Variants in NIBAN1 observed in about 807,000 individuals in gnomAD.
The protein encoded by NIBAN1 is protein Niban 1.
NIBAN1 carries 81 observed loss-of-function variants against 75.1 expected under a neutral mutation model. That is an observed-to-expected ratio of 1.08 (90% CI 0.90 to 1.30). The LOEUF (loss-of-function observed/expected upper bound fraction) is 1.30. NIBAN1 is among the 50% of genes most tolerant of loss of function. The pLI is 0.00. For missense variants in NIBAN1, 1,133 were observed against 1,128.1 expected, an observed-to-expected ratio of 1.00 and a Z score of -0.06; for synonymous variants, 436 against 424.8, an observed-to-expected ratio of 1.03 and a Z score of -0.32.
In NIBAN1 at chr1:184,798,162, A is replaced by G; in HGVS notation, c.1583T>C (p.Phe528Ser). 6.2e-7 allele frequency: 1 copy of G among 1,607,656 alleles called. No individual in the cohort carries two copies. The highest frequency in any genetic ancestry group is 8.5e-7 in the Non-Finnish European group (1 of 1,175,022). Residue 528 changes from phenylalanine to serine, a missense_variant, in exon 13 of 14, where the codon TTT becomes TCT. Physicochemically the swap from Phe to Ser is radical, Grantham distance 155 (BLOSUM62 -2). Transcript: ENST00000367511. ...PELQKYEQFIFADHTNMIHVE... is the reference protein window; with the variant it reads ...PELQKYEQFISADHTNMIHVE... Reference sequence around the variant, plus strand: ...GTGAATCATATTGGTATGATCTGCAAAGATGAACTGCTCGTATTTCTGAAG... The same window carrying G: ...GTGAATCATATTGGTATGATCTGCAGAGATGAACTGCTCGTATTTCTGAAG...
At chr1:184,805,084 G>A (rs971119622) in intron 11 of NIBAN1, among the ~76,000 whole-genome samples, 3 of 152,162 alleles carry the variant, frequency 2.0e-5, no homozygotes, top group Non-Finnish European at 4.4e-5. Flanking sequence ...CACTGTGCCC[G>A]GCCCCAATAT....
In NIBAN1 at chr1:184,956,084, T is replaced by C. The variant is rs562914696; in HGVS notation, c.55+18218A>G. 3.3e-5 allele frequency among the ~76,000 whole-genome samples: 5 copies of C among 152,124 alleles called. No individual in the cohort carries two copies. The South Asian group carries it at 1.0e-3, about 32-fold the overall frequency. ...CACTCTTGCCTAGGCCGGAATGCAG[T>C]TGTGCAATCACAGCTCACTGCAGCA... On this transcript the variant is annotated intron_variant, in intron 1 of 13. Coordinates refer to ENST00000367511, the MANE Select transcript of NIBAN1 (RefSeq NM_052966.4).
In NIBAN1 at chr1:184,946,244, T is replaced by C. The variant is rs185163751; in HGVS notation, c.55+28058A>G. On this transcript the variant is annotated intron_variant, in intron 1 of 13. Coordinates refer to ENST00000367511, the MANE Select transcript of NIBAN1 (RefSeq NM_052966.4). ...GCTCCCCTATTACTTTCGCAATTACTTCTCTTCCAAGAATAGTGATTTTCA... is the reference window on the plus strand; with the variant it reads ...GCTCCCCTATTACTTTCGCAATTACCTCTCTTCCAAGAATAGTGATTTTCA... Among the ~76,000 whole-genome samples, 605 of 152,338 alleles carry C rather than the reference T, an allele frequency of 4.0e-3. 2 individuals carry two copies. Among genetic ancestry groups the C allele is most frequent in the African/African-American group, 0.014 (581 of 41,576 alleles).
At chr1:184,833,467 G>A (rs1655051421) in intron 5 of NIBAN1, among the ~76,000 whole-genome samples, 3 of 152,046 alleles carry the variant, frequency 2.0e-5, no homozygotes, top group Admixed American at 2.0e-4. Flanking sequence ...CAACACTTTG[G>A]GAGGCCAAGG....
At chr1:184,834,916 T>C (rs958982596) in intron 5 of NIBAN1, among the ~76,000 whole-genome samples, 8 of 151,996 alleles carry the variant, frequency 5.3e-5, no homozygotes, top group Non-Finnish European at 1.2e-4. Flanking sequence ...GTTTCAGTCA[T>C]GAAGTCTTTG....
intron 5 of NIBAN1, among the ~76,000 whole-genome samples, chr1:184,835,062 G>A (rs1655101222): frequency 6.6e-6 from 1 of 152,080 alleles, no homozygotes. Context: ...TCTACATATG[G>A]CTAGCCAGTT....
In NIBAN1 at chr1:184,812,467, G is replaced by T. The variant is rs143043741; in HGVS notation, c.1174-4232C>A. 2.0e-3 allele frequency among the ~76,000 whole-genome samples: 301 copies of T among 152,290 alleles called. 3 individuals carry two copies. The highest frequency in any genetic ancestry group is 7.0e-3 in the African/African-American group (293 of 41,568). On this transcript the variant is annotated intron_variant, in intron 9 of 13. Transcript: ENST00000367511. The stretch of plus-strand genomic sequence containing the variant: ...AGGGAGCCCAGAGCCTGGCATGCCG[G>T]CCAAAAGGTAAGAATTTCTTACCAG...
At chr1:184,820,266 T>C (rs776272174) in intron 8 of NIBAN1, among the ~76,000 whole-genome samples, 7 of 152,130 alleles carry the variant, frequency 4.6e-5, no homozygotes, top group Admixed American at 1.3e-4. Flanking sequence ...ATGGGTAATA[T>C]GCAATAAAGA....
At chr1:184,866,848 T>C (rs57440078) in intron 5 of NIBAN1, among the ~76,000 whole-genome samples, 11,961 of 152,208 alleles carry the variant, frequency 0.079, 1,578 homozygotes, top group African/African-American at 0.27. Context: ...ATTAGTGATA[T>C]TTAGAACTTC....
chr1:184,800,868 G>A (rs1462747340), intron 12 of NIBAN1, among the ~76,000 whole-genome samples: 3 of 152,168 alleles, frequency 2.0e-5, no homozygotes, highest in Non-Finnish European at 2.9e-5. Context: ...GGGGTTGGGA[G>A]ACTCTGTAGT....
At chr1:184,872,443 C>T (rs537603959) in intron 5 of NIBAN1, among the ~76,000 whole-genome samples, 12 of 152,212 alleles carry the variant, frequency 7.9e-5, no homozygotes, top group East Asian at 1.9e-4. Context: ...TGAAGGCTCA[C>T]GCCTGTAATG....
chr1:184,914,140 A>G (rs1657319468), intron 1 of NIBAN1, among the ~76,000 whole-genome samples: 1 of 152,232 alleles, frequency 6.6e-6, no homozygotes, highest in South Asian at 2.1e-4. Flanking sequence ...AGCTGGACTT[A>G]CAGTGGCACA....
intron 5 of NIBAN1, among the ~76,000 whole-genome samples, chr1:184,859,131 TATG>T (rs1442747565): frequency 1.3e-5 from 2 of 151,998 alleles, no homozygotes; most frequent in East Asian, 3.8e-4. Flanking sequence ...ACATTTATGA[TATG>T]ATCCAATTTA....
chr1:184,932,059 C>T (rs1003763671), intron 1 of NIBAN1, among the ~76,000 whole-genome samples: 3 of 152,090 alleles, frequency 2.0e-5, no homozygotes, highest in Admixed American at 6.6e-5. Flanking sequence ...AATTATAAAA[C>T]GAGTTATGTA....
chr1:184,872,702 T>C (rs1160883944), intron 5 of NIBAN1, among the ~76,000 whole-genome samples: 1 of 148,080 alleles, frequency 6.8e-6, no homozygotes, highest in Non-Finnish European at 1.5e-5. Flanking sequence ...AGGGAAACTC[T>C]GTATCAAATT....
chr1:184,802,269 T>G (rs1654065518), intron 12 of NIBAN1, among the ~76,000 whole-genome samples: 1 of 152,112 alleles, frequency 6.6e-6, no homozygotes, highest in South Asian at 2.1e-4. Flanking sequence ...CAAGAGCCTC[T>G]TACAGATTGG....
chr1:184,911,651 T>G (rs1333570218), intron 1 of NIBAN1, among the ~76,000 whole-genome samples: 2 of 152,204 alleles, frequency 1.3e-5, no homozygotes, highest in Non-Finnish European at 1.5e-5. Flanking sequence ...AAAATCAAGG[T>G]TAAAAAGTAC....
chr1:184,911,032 T>C (rs554153152), intron 1 of NIBAN1, among the ~76,000 whole-genome samples: 1 of 152,010 alleles, frequency 6.6e-6, no homozygotes, highest in South Asian at 2.1e-4. Flanking sequence ...TCAGTCTCCA[T>C]AATTGTGTGG....
intron 6 of NIBAN1, among the ~76,000 whole-genome samples, chr1:184,830,961 C>A (rs1654983362): frequency 6.7e-6 from 1 of 149,944 alleles, no homozygotes; most frequent in South Asian, 2.1e-4. Context: ...GATTGCGCCA[C>A]TGTACTCCAG....
Sources: allele counts gnomAD v4.1 joint callset (sites outside exome capture counted in the v4.1 genomes callset), GRCh38; gene constraint gnomAD v4.1.1; transcripts MANE v1.5; gene names NCBI Gene and HGNC (gene_info 2026-07-23, HGNC 2026-07-21).